PLXNC1: variants seen among roughly 807,000 people sequenced by gnomAD.
The protein encoded by PLXNC1 is plexin C1, also known as plexin-C1.
In PLXNC1, 75 loss-of-function variants were observed where a neutral mutation model predicts 178.2. That is an observed-to-expected ratio of 0.42 (90% CI 0.35 to 0.51). The LOEUF (loss-of-function observed/expected upper bound fraction) is 0.51, where lower values mean the gene tolerates loss of function less well. Ranked by LOEUF, PLXNC1 falls within the 20% of genes least tolerant of loss-of-function variation. The pLI is 0.02. For missense variants in PLXNC1, 1,503 were observed against 1,984.4 expected (o/e 0.76, Z 4.61); for synonymous variants, 790 against 779.9 (o/e 1.01, Z -0.22).
At chr12:94,197,996 C>G (rs1962979343) in intron 4 of PLXNC1, among the ~76,000 whole-genome samples, 1 of 152,138 alleles carries the variant, frequency 6.6e-6, no homozygotes, top group Non-Finnish European at 1.5e-5. Context: ...TACTGAGTAC[C>G]TGATATGTGT....
chr12:94,275,873 A>AG (rs1027088325), intron 21 of PLXNC1, among the ~76,000 whole-genome samples: 2 of 150,614 alleles, frequency 1.3e-5, no homozygotes, highest in African/African-American at 4.9e-5. Context: ...AAAAAAAAAA[A>AG]AAAAAAAAGA....
At chr12:94,268,425 A>G (rs1965371760) in intron 21 of PLXNC1, among the ~76,000 whole-genome samples, 1 of 152,084 alleles carries the variant, frequency 6.6e-6, no homozygotes, top group Admixed American at 6.6e-5. Context: ...TTCTCTATCA[A>G]GCATTCCAGG....
At chr12:94,150,109 T>C in intron 1 of PLXNC1, 76 bp downstream of exon 1, 1 of 1,181,128 alleles carries the variant, frequency 8.5e-7, no homozygotes, top group Non-Finnish European at 1.1e-6. Context: ...CAGAACGAGC[T>C]GGGGGCGAGC....
rs1012929690 is a variant in PLXNC1 at position 94,148,677 on chromosome 12, C to G, written c.-295C>G. 1.3e-5 allele frequency: 2 copies of G among 152,004 alleles called. No individual in the cohort carries two copies. Among genetic ancestry groups the G allele is most frequent in the African/African-American group, 4.8e-5 (2 of 41,386 alleles). 9.4% of individuals were successfully genotyped at this position (152,004 alleles called of 1,614,324 possible). A position where few individuals can be genotyped will look rare whatever the true frequency, so the allele number is the denominator to read the frequency against. On this transcript the variant is annotated 5_prime_UTR_variant, in exon 1 of 31. Coordinates refer to ENST00000258526, the MANE Select transcript of PLXNC1 (RefSeq NM_005761.3). This position sits in a 1 kb window ranked among gnomAD's most constrained non-coding sequence, Gnocchi z 4.8. ...TCCCCTCCCTTCCCCTCCGCGCCTC[C>G]CCGCGAGCGCCAGCGCTGCACACAG...
At chr12:94,268,588 CTTTTTTT>C (rs61265662) in intron 21 of PLXNC1, among the ~76,000 whole-genome samples, 3 of 90,884 alleles carry the variant, frequency 3.3e-5, no homozygotes, top group Non-Finnish European at 6.0e-5. Flanking sequence ...AGAATAAGAC[CTTTTTTT>C]TTTTTTTTTT....
intron 9 of PLXNC1, among the ~76,000 whole-genome samples, chr12:94,233,118 G>A (rs374629974): frequency 2.6e-5 from 4 of 152,304 alleles, no homozygotes; most frequent in African/African-American, 9.6e-5. Flanking sequence ...CCAGGATGTG[G>A]GAGGAGTGTA....
At chr12:94,162,598 C>G (rs761136840) in intron 1 of PLXNC1, among the ~76,000 whole-genome samples, 3 of 152,044 alleles carry the variant, frequency 2.0e-5, no homozygotes, top group Non-Finnish European at 4.4e-5. Flanking sequence ...GACTCTTGCA[C>G]TAGATCGGGA....
rs180745539 is a variant in PLXNC1, at chr12:94,243,994, T to G, written c.2357T>G (p.Ile786Ser). The G allele has an allele frequency of 6.3e-7, 1 of 1,595,684 alleles. No individual in the cohort carries two copies. The highest frequency in any genetic ancestry group is 8.6e-7 in the Non-Finnish European group (1 of 1,164,716). Residue 786 changes from isoleucine to serine, a missense_variant, in exon 12 of 31, where the codon ATC becomes AGC. Physicochemically the swap from Ile to Ser is moderately radical, Grantham distance 142. Around this residue, in one of 4 missense-constraint regions of PLXNC1, gnomAD observed 639 missense variants for 979.7 expected, o/e 0.65. Transcript: ENST00000258526. ...GRNFDVIDNL[I>S]ISHELKGNIN... ...AATTTTGATGTAATTGACAACTTAA[T>G]CATTTCACATGAATTAAAAGGAAAC...
At chr12:94,286,826 G>A (rs1338639324) in intron 23 of PLXNC1, among the ~76,000 whole-genome samples, 4 of 152,042 alleles carry the variant, frequency 2.6e-5, no homozygotes, top group African/African-American at 7.2e-5. Context: ...TGTCCTTAGG[G>A]CAAACAGAGT....
At position 94,269,023 on chromosome 12, in the gene PLXNC1, G is replaced by A. The variant is rs145582020; in HGVS notation, c.3597+3798G>A. ...TTGTCAAGAGTGGAACTTTGGAGGA[G>A]TTAGTGAAAGTTTGAGGATTTCACA... On this transcript the variant is annotated intron_variant, in intron 21 of 30. Transcript: ENST00000258526. Among the ~76,000 whole-genome samples, 3 of 152,290 alleles carry A rather than the reference G, an allele frequency of 2.0e-5. No individual in the cohort carries two copies. In the East Asian group the frequency reaches 5.8e-4, roughly 29 times the overall value.
chr12:94,253,947 G>A (rs1028271205), intron 15 of PLXNC1, among the ~76,000 whole-genome samples: 1 of 148,278 alleles, frequency 6.7e-6, no homozygotes, highest in Non-Finnish European at 1.5e-5. Flanking sequence ...TCAAAGAGCT[G>A]GAATTACAGA....
chr12:94,305,580 A>AGTCT lies in PLXNC1; in HGVS notation c.*296_*299dup. On this transcript the variant is annotated 3_prime_UTR_variant, in exon 31 of 31. Coordinates refer to ENST00000258526, the MANE Select transcript of PLXNC1 (RefSeq NM_005761.3). ...AAGCGAATGTCAGTATTGTAACTAC[A>AGTCT]GTCTCCACTTAAGCACAATGATATA... 6.5e-6 allele frequency: 2 copies of AGTCT among 307,468 alleles called. No homozygotes were observed. The highest frequency in any genetic ancestry group is 1.3e-4 in the East Asian group (2 of 15,716). The allele number at this position is 307,468 out of a possible 1,614,324, so 19.0% of individuals were successfully genotyped here.
At chr12:94,264,899 C>A (rs189961293) in intron 20 of PLXNC1, among the ~76,000 whole-genome samples, 180 bp from the exon 21 acceptor site, 1 of 152,212 alleles carries the variant, frequency 6.6e-6, no homozygotes. Context: ...AGAGAGGAGG[C>A]GGTTTTCTGA....
chr12:94,225,202 G>T (rs1382061280), intron 7 of PLXNC1, among the ~76,000 whole-genome samples: 1 of 152,186 alleles, frequency 6.6e-6, no homozygotes, highest in Non-Finnish European at 1.5e-5. Flanking sequence ...TGGGATGGAG[G>T]CCTGCAGGGC....
chr12:94,292,699 A>C (rs1429405274), intron 23 of PLXNC1, among the ~76,000 whole-genome samples: 1 of 152,202 alleles, frequency 6.6e-6, no homozygotes, highest in East Asian at 1.9e-4. Context: ...ACAGAGCCTG[A>C]AGGTAATTTT....
At chr12:94,177,213 GTGTGTGTATATATATACATA>G (rs1565794490) in intron 2 of PLXNC1, among the ~76,000 whole-genome samples, 18 of 92,522 alleles carry the variant, frequency 1.9e-4, no homozygotes, top group African/African-American at 9.9e-4. Context: ...ATATATATAT[GTGTGTGTATATATATACATA>G]TATATATATA....
intron 4 of PLXNC1, among the ~76,000 whole-genome samples, chr12:94,202,668 G>A (rs1473717583): frequency 6.6e-6 from 1 of 152,224 alleles, no homozygotes; most frequent in Non-Finnish European, 1.5e-5. Flanking sequence ...GCACACGCTC[G>A]GGAGGGCCTG....
At chr12:94,206,289 G>T (rs1963296947) in intron 4 of PLXNC1, among the ~76,000 whole-genome samples, 1 of 151,840 alleles carries the variant, frequency 6.6e-6, no homozygotes. Flanking sequence ...GGGGGTGAGG[G>T]AGGGGGCGGT....
chr12:94,236,751 C>T (rs61929076), intron 9 of PLXNC1, among the ~76,000 whole-genome samples: 85 of 152,050 alleles, frequency 5.6e-4, no homozygotes, highest in Non-Finnish European at 1.0e-3. Flanking sequence ...TTTTGGTCAC[C>T]GTATTATAGA....
Sources: gnomAD v4.1 joint callset for allele counts (sites outside exome capture counted in the v4.1 genomes callset) on GRCh38, gnomAD v4.1.1 for gene constraint, gnomAD v4.1.1 regional missense constraint, Gnocchi (gnomAD v3.1) non-coding constraint, MANE v1.5 for transcripts, NCBI Gene and HGNC (gene_info 2026-07-23, HGNC 2026-07-21) for gene names.